CPD: variants seen among roughly 807,000 people sequenced by gnomAD.
CPD encodes the protein carboxypeptidase D.
In CPD, 69 loss-of-function variants were observed where a neutral mutation model predicts 138.3. The observed-to-expected ratio is 0.50, with a 90% confidence interval of 0.41 to 0.61. The LOEUF (loss-of-function observed/expected upper bound fraction) is 0.61. CPD is among the 20% of genes least tolerant of loss of function. The pLI, the probability that CPD is intolerant of heterozygous loss-of-function variation, is 0.00. For missense variants in CPD, 1,432 were observed against 1,733.3 expected (o/e 0.83, Z 3.09); for synonymous variants, 651 against 642.1 (o/e 1.01, Z -0.21).
At chr17:30,433,617 A>G (rs1322417757) in intron 8 of CPD, among the ~76,000 whole-genome samples, 2 of 152,192 alleles carry the variant, frequency 1.3e-5, no homozygotes, top group African/African-American at 4.8e-5. Context: ...AATTTGCTAT[A>G]GTCCATATGT....
In CPD at chr17:30,396,544, GA is replaced by G. The variant is rs141882408; in HGVS notation, c.994+11312del. Among the ~76,000 whole-genome samples, 320 of 152,312 alleles carry G rather than the reference GA, an allele frequency of 2.1e-3. 1 individual carries two copies. The highest frequency in any genetic ancestry group is 7.1e-3 in the African/African-American group (296 of 41,572). ...CTTAAAAGCTAGATCTTTCTGTGGTGAAAAGAGTGATAAGAGACTTGTTTCC... is the reference window on the plus strand; with the variant it reads ...CTTAAAAGCTAGATCTTTCTGTGGTGAAAGAGTGATAAGAGACTTGTTTCC... On this transcript the variant is annotated intron_variant, in intron 2 of 20. Transcript: ENST00000225719.
At chr17:30,380,567 A>T in intron 1 of CPD, 16 of 1,490,816 alleles carry the variant, frequency 1.1e-5, no homozygotes, top group Non-Finnish European at 1.4e-5. Flanking sequence ...CATGAGGTTT[A>T]AAAAATTACA....
At chr17:30,406,692 T>G (rs1911807495) in intron 2 of CPD, among the ~76,000 whole-genome samples, 1 of 152,196 alleles carries the variant, frequency 6.6e-6, no homozygotes, top group Non-Finnish European at 1.5e-5. Context: ...CGTCATTGCC[T>G]TCTAGCATAA....
chr17:30,442,132 A>T (rs1597731174), intron 9 of CPD, among the ~76,000 whole-genome samples, 176 bp from the exon 10 acceptor site: 1 of 152,124 alleles, frequency 6.6e-6, no homozygotes, highest in African/African-American at 2.4e-5. Flanking sequence ...TTCCACATGA[A>T]GGTATAGGTG....
intron 1 of CPD, among the ~76,000 whole-genome samples, chr17:30,383,128 T>G (rs1048845320): frequency 6.6e-6 from 1 of 152,144 alleles, no homozygotes; most frequent in Non-Finnish European, 1.5e-5. Flanking sequence ...TTACTTAGTT[T>G]TTGTTTCTGT....
At chr17:30,420,588 T>C (rs191050090) in intron 2 of CPD, among the ~76,000 whole-genome samples, 116 of 152,350 alleles carry the variant, frequency 7.6e-4, no homozygotes, top group African/African-American at 2.6e-3. Flanking sequence ...ACTGATATAT[T>C]CATACTTTTT....
At chr17:30,388,860 A>C (rs1302826685) in intron 2 of CPD, among the ~76,000 whole-genome samples, 3 of 152,030 alleles carry the variant, frequency 2.0e-5, no homozygotes, top group African/African-American at 7.2e-5. Context: ...GGCTGTCAGG[A>C]GTGTCAGGCT....
chr17:30,412,339 C>T (rs1428624866), intron 2 of CPD, among the ~76,000 whole-genome samples: 2 of 152,184 alleles, frequency 1.3e-5, no homozygotes, highest in African/African-American at 2.4e-5. Flanking sequence ...GATCAGGGAC[C>T]CACTTGAAGA....
chr17:30,424,745 AC>A (rs1196512466), intron 6 of CPD, among the ~76,000 whole-genome samples: 1 of 152,114 alleles, frequency 6.6e-6, no homozygotes, highest in African/African-American at 2.4e-5. Flanking sequence ...GTGGGATGGG[AC>A]AGCAGACCCT....
chr17:30,422,323 A>G (rs1194307854), intron 4 of CPD, among the ~76,000 whole-genome samples: 2 of 152,246 alleles, frequency 1.3e-5, no homozygotes, highest in African/African-American at 4.8e-5. Context: ...GTTTGATAAG[A>G]CACTGCAAAG....
chr17:30,443,269 A>G (rs1037950022), intron 10 of CPD, among the ~76,000 whole-genome samples: 6 of 152,260 alleles, frequency 3.9e-5, no homozygotes, highest in African/African-American at 1.4e-4. Flanking sequence ...AGGAGCTACT[A>G]CATACTATCT....
chr17:30,396,160 G>A (rs976449679), intron 2 of CPD, among the ~76,000 whole-genome samples: 5 of 152,012 alleles, frequency 3.3e-5, no homozygotes, highest in Non-Finnish European at 4.4e-5. Flanking sequence ...ATTCAAAGTC[G>A]TGAGAGAATT....
intron 6 of CPD, among the ~76,000 whole-genome samples, chr17:30,427,049 G>C (rs931290206): frequency 3.9e-5 from 6 of 152,130 alleles, no homozygotes; most frequent in Non-Finnish European, 8.8e-5. Context: ...GGGCATGATG[G>C]CAGGTGCCTG....
intron 2 of CPD, among the ~76,000 whole-genome samples, chr17:30,396,863 CTCTT>C (rs1286102785): frequency 6.6e-6 from 1 of 151,694 alleles, no homozygotes; most frequent in Non-Finnish European, 1.5e-5. Flanking sequence ...CTCTCTCTCT[CTCTT>C]AATTTTTAGA....
chr17:30,423,874 G>C (rs1180737834), intron 6 of CPD, among the ~76,000 whole-genome samples, 177 bp downstream of exon 6: 2 of 152,064 alleles, frequency 1.3e-5, no homozygotes, highest in Non-Finnish European at 2.9e-5. Flanking sequence ...TCAACAATTA[G>C]GTGATCAAAT....
chr17:30,464,799 T>C lies in CPD; in HGVS notation c.4128T>C (p.Tyr1376=). 1 of 1,613,696 alleles carries C rather than the reference T, an allele frequency of 6.2e-7. No homozygotes were observed. Among genetic ancestry groups the C allele is most frequent in the East Asian group, 2.2e-5 (1 of 44,880 alleles). The stretch of plus-strand genomic sequence containing the variant: ...CAGACACTGAAGAGGAAACATTATA[T>C]TCTAGCAAACATTGAAAAACACATT... ...DETDTEEETL[Y]SSKH is the part of the protein sequence containing the mutation. The change falls in exon 21 of 21, where the codon TAT becomes TAC. Residue 1376 remains tyrosine (Y), a synonymous_variant. Coordinates refer to ENST00000225719, the MANE Select transcript of CPD (RefSeq NM_001304.5).
Position 30,379,443 on chromosome 17 carries a change from G to A in CPD, c.463G>A (p.Glu155Lys). Residue 155 changes from glutamate (E) to lysine (K), a missense_variant, in exon 1 of 21, where the codon GAG becomes AAG. Around this residue, in one of 6 missense-constraint regions of CPD, gnomAD observed 484 missense variants for 477.2 expected, o/e 1.01. Coordinates refer to ENST00000225719, the MANE Select transcript of CPD (RefSeq NM_001304.5). This position sits in a 1 kb window ranked among gnomAD's most constrained non-coding sequence, Gnocchi z 7.0. ...CCAGGTGTTGATCTACTTGGCCCGC[G>A]AGCTGGCGGCCGGCTACCGCCGCGG... ...SRQVLIYLARELAAGYRRGDP... is the reference protein window; with the variant it reads ...SRQVLIYLARKLAAGYRRGDP... 1 of 1,569,732 alleles carries A rather than the reference G, an allele frequency of 6.4e-7. No individual in the cohort carries two copies. The highest frequency in any genetic ancestry group is 8.6e-7 in the Non-Finnish European group (1 of 1,165,896).
intron 2 of CPD, among the ~76,000 whole-genome samples, chr17:30,398,844 T>TA (rs903146068): frequency 6.6e-6 from 1 of 150,648 alleles, no homozygotes; most frequent in African/African-American, 2.4e-5. Flanking sequence ...ATTTTAAAAA[T>TA]AAAAAAAATT....
intron 18 of CPD, 39 bp from the exon 19 acceptor site, chr17:30,461,838 T>C: frequency 6.5e-7 from 1 of 1,527,958 alleles, no homozygotes; most frequent in Non-Finnish European, 8.8e-7. Flanking sequence ...ATGTCTGGCA[T>C]TATGACAACA....
Sources: gnomAD v4.1 joint callset for allele counts (sites outside exome capture counted in the v4.1 genomes callset) on GRCh38, gnomAD v4.1.1 for gene constraint, gnomAD v4.1.1 regional missense constraint, Gnocchi (gnomAD v3.1) non-coding constraint, MANE v1.5 for transcripts, NCBI Gene and HGNC (gene_info 2026-07-23, HGNC 2026-07-21) for gene names.